The following EPB41L4B variants were observed in gnomAD, a reference collection of about 807,000 sequenced individuals.
EPB41L4B encodes the protein erythrocyte membrane protein band 4.1 like 4B.
A neutral mutation model predicts 112.5 loss-of-function variants in EPB41L4B; 30 were observed. That is an observed-to-expected ratio of 0.27 (90% CI 0.20 to 0.36). The LOEUF (loss-of-function observed/expected upper bound fraction) is 0.36. Ranked by LOEUF, EPB41L4B falls within the 10% of genes least tolerant of loss-of-function variation. The pLI is 1.00. For synonymous variants in EPB41L4B, 408 were observed against 439.7 expected (o/e 0.93, Z 0.90); for missense variants, 1,024 against 1,133.3 (o/e 0.90, Z 1.38).
chr9:109,301,367 G>T (rs555148506), intron 1 of EPB41L4B, among the ~76,000 whole-genome samples: 2 of 152,140 alleles, frequency 1.3e-5, no homozygotes, highest in African/African-American at 4.8e-5. Context: ...CTTTTTTGGG[G>T]ATGGTAGTAA....
chr9:109,213,684 C>T lies in EPB41L4B; in HGVS notation c.1752+16G>A. 1.2e-6 allele frequency: 2 copies of T among 1,606,220 alleles called. No individual in the cohort carries two copies. The highest frequency in any genetic ancestry group is 1.7e-6 in the Non-Finnish European group (2 of 1,173,388). ...CACCAAGTCCATGGTCATGGCAGAG[C>T]CCCGGCCCTTGGCACCTTGTTTATG... is the stretch of plus-strand genomic sequence containing the variant. On this transcript the variant is annotated intron_variant, in intron 17 of 25. Transcript: ENST00000374566.
At chr9:109,319,391 G>A (rs1377006711) in intron 1 of EPB41L4B, among the ~76,000 whole-genome samples, 1 of 152,178 alleles carries the variant, frequency 6.6e-6, no homozygotes, top group Non-Finnish European at 1.5e-5. Flanking sequence ...AAAGTCAGGC[G>A]CGCCTGGCCC....
chr9:109,184,349 AGCTGG>A (rs963579478), intron 23 of EPB41L4B, among the ~76,000 whole-genome samples: 4 of 152,184 alleles, frequency 2.6e-5, no homozygotes, highest in African/African-American at 9.7e-5. Context: ...CCTTCTGAGT[AGCTGG>A]GATTACAGGC....
At chr9:109,271,017 T>C (rs1335869942) in intron 2 of EPB41L4B, among the ~76,000 whole-genome samples, 2 of 152,268 alleles carry the variant, frequency 1.3e-5, no homozygotes, top group Admixed American at 6.5e-5. Context: ...TCTGATGATC[T>C]TGAAACATGC....
chr9:109,308,224 G>C (rs1837289421), intron 1 of EPB41L4B, among the ~76,000 whole-genome samples: 1 of 152,066 alleles, frequency 6.6e-6, no homozygotes, highest in African/African-American at 2.4e-5. Context: ...CTAGAGGGAG[G>C]AAGAACCCAC....
intron 16 of EPB41L4B, among the ~76,000 whole-genome samples, chr9:109,215,111 C>T (rs1833314519): frequency 1.3e-5 from 2 of 152,236 alleles, no homozygotes; most frequent in South Asian, 4.2e-4. Flanking sequence ...ATGGCCCATC[C>T]TGTCTCAACA....
rs767249824 is a variant in EPB41L4B at position 109,253,516 on chromosome 9, T to C, written c.1204A>G (p.Arg402Gly). The change falls in exon 12 of 26, where the codon AGG becomes GGG. Residue 402 changes from arginine to glycine, a missense_variant. Arg to Gly is a moderately radical substitution (Grantham distance 125, BLOSUM62 -2). Coordinates refer to ENST00000374566, the MANE Select transcript of EPB41L4B (RefSeq NM_019114.5). ...RTEYQATHGS[R>G]LRRTSTFERK... is the part of the protein sequence containing the mutation. Reference sequence around the variant, plus strand: ...TCAAAGGTGCTGGTTCTTCGTAACCTGGAGCCATGTGTAGCTTGATATTCT... The same window carrying C: ...TCAAAGGTGCTGGTTCTTCGTAACCCGGAGCCATGTGTAGCTTGATATTCT... 6.2e-7 allele frequency: 1 copy of C among 1,613,878 alleles called. No individual in the cohort carries two copies. Among genetic ancestry groups the C allele is most frequent in the Non-Finnish European group, 8.5e-7 (1 of 1,179,742 alleles).
chr9:109,307,096 G>T, intron 1 of EPB41L4B: 1 of 228,576 alleles, frequency 4.4e-6, no homozygotes, highest in South Asian at 5.5e-5. Flanking sequence ...GGATGCAACT[G>T]TAACTATCTG....
intron 15 of EPB41L4B, among the ~76,000 whole-genome samples, chr9:109,228,076 G>A (rs1195605472): frequency 1.3e-5 from 2 of 152,092 alleles, no homozygotes; most frequent in East Asian, 3.9e-4. Flanking sequence ...CCACTGGTAA[G>A]GTCTCCAGAA....
chr9:109,209,091 T>C (rs778348944), intron 17 of EPB41L4B, among the ~76,000 whole-genome samples: 1 of 152,196 alleles, frequency 6.6e-6, no homozygotes, highest in Non-Finnish European at 1.5e-5. Context: ...GCTCTCAAGT[T>C]CTTCAAGTTC....
At chr9:109,244,366 G>T (rs1834464443) in intron 14 of EPB41L4B, among the ~76,000 whole-genome samples, 1 of 143,006 alleles carries the variant, frequency 7.0e-6, no homozygotes, top group Non-Finnish European at 1.5e-5. Flanking sequence ...GGGAAAGAGA[G>T]AAGAAAGAAA....
intron 17 of EPB41L4B, 38 bp from the exon 18 acceptor site, chr9:109,208,087 A>G: frequency 6.2e-7 from 1 of 1,612,690 alleles, no homozygotes; most frequent in South Asian, 1.1e-5. Context: ...GATTGTAAAC[A>G]AAGAGAGAAC....
At chr9:109,256,098 G>T in intron 9 of EPB41L4B, 38 bp downstream of exon 9, 4 of 1,561,694 alleles carry the variant, frequency 2.6e-6, no homozygotes, top group Middle Eastern at 1.7e-4. Flanking sequence ...CCACAAAATA[G>T]GAAAAGACAT....
chr9:109,320,572 G>T lies in EPB41L4B; in HGVS notation c.-126C>A. The T allele has an allele frequency of 2.5e-6, 1 of 392,528 alleles. No individual in the cohort carries two copies. The highest frequency in any genetic ancestry group is 3.4e-6 in the Non-Finnish European group (1 of 292,134). 24.3% of individuals were successfully genotyped at this position (392,528 alleles called of 1,614,324 possible). ...CCCTCGGCCGCCCGCGCCGCCTCTC[G>T]CGGGCTACGGCCCGGGGCAAGCCCG... is the stretch of plus-strand genomic sequence containing the variant. On this transcript the variant is annotated 5_prime_UTR_variant, in exon 1 of 26. Transcript: ENST00000374566.
chr9:109,252,206 G>C (rs1216286888), intron 12 of EPB41L4B, among the ~76,000 whole-genome samples: 2 of 152,212 alleles, frequency 1.3e-5, no homozygotes, highest in Non-Finnish European at 2.9e-5. Flanking sequence ...GTATACACCT[G>C]TAGGGGCTGG....
intron 1 of EPB41L4B, among the ~76,000 whole-genome samples, chr9:109,281,126 CTT>C (rs377524946): frequency 8.9e-4 from 119 of 133,490 alleles, no homozygotes; most frequent in Non-Finnish European, 8.9e-4. Flanking sequence ...AAATGTGAGA[CTT>C]TTTTTTTTTT....
intron 17 of EPB41L4B, among the ~76,000 whole-genome samples, chr9:109,209,169 A>T (rs1276176387): frequency 6.6e-6 from 1 of 152,144 alleles, no homozygotes; most frequent in African/African-American, 2.4e-5. Flanking sequence ...AGTGCTATGA[A>T]AGCTAGAGGA....
At chr9:109,286,652 T>C (rs1836294617) in intron 1 of EPB41L4B, among the ~76,000 whole-genome samples, 1 of 152,178 alleles carries the variant, frequency 6.6e-6, no homozygotes, top group Non-Finnish European at 1.5e-5. Flanking sequence ...ACCACCACTC[T>C]GGGTGTTGCA....
intron 22 of EPB41L4B, among the ~76,000 whole-genome samples, chr9:109,188,714 C>T (rs999520800): frequency 1.3e-5 from 2 of 152,172 alleles, no homozygotes; most frequent in Admixed American, 1.3e-4. Context: ...TGTTCCAATG[C>T]CCTACACAGC....
Sources: gnomAD v4.1 joint callset for allele counts (sites outside exome capture counted in the v4.1 genomes callset) on GRCh38, gnomAD v4.1.1 for gene constraint, MANE v1.5 for transcripts, NCBI Gene and HGNC (gene_info 2026-07-23, HGNC 2026-07-21) for gene names.